IGSF3: variants seen among roughly 807,000 people sequenced by gnomAD.
IGSF3 encodes the protein glu-Trp-Ile EWI motif-containing protein 3.
Under a neutral mutation model 114.4 loss-of-function variants are expected in IGSF3, and 23 were observed. That is an observed-to-expected ratio of 0.20 (90% confidence interval 0.14 to 0.28). The LOEUF (loss-of-function observed/expected upper bound fraction) is 0.28, where lower values mean the gene tolerates loss of function less well. Ranked by LOEUF, IGSF3 falls within the 10% of genes least tolerant of loss-of-function variation. The probability of loss-of-function intolerance (pLI) is 1.00; values close to 1 mark genes in which losing one functional copy is unlikely to be tolerated. For missense variants in IGSF3, 1,172 were observed against 1,591.5 expected, an observed-to-expected ratio of 0.74 and a Z score of 4.48; for synonymous variants, 571 against 645.2, an observed-to-expected ratio of 0.88 and a Z score of 1.74.
At chr1:116,617,690 A>G (rs1661274163) in intron 2 of IGSF3, among the ~76,000 whole-genome samples, 3 of 152,180 alleles carry the variant, frequency 2.0e-5, no homozygotes, top group Non-Finnish European at 2.9e-5. Context: ...TCATAGGGTT[A>G]TTGAGAAGAT....
intron 2 of IGSF3, among the ~76,000 whole-genome samples, chr1:116,641,148 G>T (rs1398217511): frequency 6.6e-6 from 1 of 152,114 alleles, no homozygotes; most frequent in Non-Finnish European, 1.5e-5. Flanking sequence ...GTGTATGGGG[G>T]TTAATTATCC....
In IGSF3 at chr1:116,579,651, G is replaced by A. The variant is rs114783166; in HGVS notation, c.3075C>T (p.Asp1025=). ...EEEEEDDDDD[D]DPTERTALLS... is the part of the protein sequence containing the mutation. ...GCAGGGCCGTCCGCTCTGTTGGGTC[G>A]TCGTCGTCGTCGTCGTCCTCCTCCT... Residue 1025 remains aspartate (D), a synonymous_variant, in exon 10 of 11, where the codon GAC becomes GAT. Transcript: ENST00000369486. This position sits in a 1 kb window ranked among gnomAD's most constrained non-coding sequence, Gnocchi z 6.4. 226 of 1,586,716 alleles carry A rather than the reference G, an allele frequency of 1.4e-4. No individual in the cohort carries two copies. Among genetic ancestry groups the A allele is most frequent in the Non-Finnish European group, 1.8e-4 (207 of 1,163,372 alleles).
intron 4 of IGSF3, among the ~76,000 whole-genome samples, chr1:116,613,012 C>CA (rs1661082473): frequency 1.3e-5 from 2 of 152,204 alleles, no homozygotes; most frequent in South Asian, 4.1e-4. Flanking sequence ...ATCATGCAAC[C>CA]TCCTCAGGAC....
chr1:116,641,322 C>G (rs2101054441), intron 2 of IGSF3, among the ~76,000 whole-genome samples: 1 of 151,770 alleles, frequency 6.6e-6, no homozygotes, highest in Middle Eastern at 3.4e-3. Flanking sequence ...ATGGGGAAAA[C>G]CCACCTCTAC....
chr1:116,617,310 A>G, intron 2 of IGSF3: 1 of 984,630 alleles, frequency 1.0e-6, no homozygotes, highest in Non-Finnish European at 1.2e-6. Flanking sequence ...TGGCATGGTG[A>G]GTTTAATTTC....
At chr1:116,645,014 T>C (rs952493973) in intron 2 of IGSF3, among the ~76,000 whole-genome samples, 1 of 152,068 alleles carries the variant, frequency 6.6e-6, no homozygotes, top group Non-Finnish European at 1.5e-5. Flanking sequence ...TCCTAAGTAT[T>C]TACCCAAGAG....
intron 2 of IGSF3, among the ~76,000 whole-genome samples, chr1:116,656,293 CTTTTTTTTT>C (rs56148691): frequency 1.6e-4 from 10 of 62,440 alleles, no homozygotes; most frequent in Admixed American, 2.4e-4. Flanking sequence ...TTTCTACATT[CTTTTTTTTT>C]TTTTTTTTTT....
In IGSF3 at chr1:116,624,840, G is replaced by C. The variant is rs977846687; in HGVS notation, c.44-8383C>G. On this transcript the variant is annotated intron_variant, in intron 2 of 10. Coordinates refer to ENST00000369486, the MANE Select transcript of IGSF3 (RefSeq NM_001007237.3). This position sits in a 1 kb window ranked among gnomAD's most constrained non-coding sequence, Gnocchi z 4.9. ...GCTGTGAGGGGGCCCAAGGCACATG[G>C]AGAGGCCCTGGGCAGGTGCTCCAGT... is the stretch of plus-strand genomic sequence containing the variant. Among the ~76,000 whole-genome samples the C allele has an allele frequency of 1.3e-5, 2 of 152,204 alleles. No individual in the cohort carries two copies. The highest frequency in any genetic ancestry group is 4.8e-5 in the African/African-American group (2 of 41,448).
rs948237731 is a variant in IGSF3 at position 116,584,228 on chromosome 1, G to A, written c.2848+417C>T. On this transcript the variant is annotated intron_variant, in intron 9 of 10. Coordinates refer to ENST00000369486, the MANE Select transcript of IGSF3 (RefSeq NM_001007237.3). The surrounding 1 kb of genome is among the most constrained non-coding windows in gnomAD (Gnocchi z 5.8). Reference sequence around the variant, plus strand: ...AAAAAGTATTGGGAAGTGACAGAGTGAAGGCTGCACACAATTCATTGTTTT... The same window carrying A: ...AAAAAGTATTGGGAAGTGACAGAGTAAAGGCTGCACACAATTCATTGTTTT... 3.3e-5 allele frequency among the ~76,000 whole-genome samples: 5 copies of A among 151,918 alleles called. No homozygotes were observed. The highest frequency in any genetic ancestry group is 5.9e-5 in the Non-Finnish European group (4 of 67,990).
chr1:116,633,742 T>C lies in IGSF3; in HGVS notation c.44-17285A>G, dbSNP rs948294325. ...AAAAAATAAAAATTCAAAATCATGATCTTAGGGGTGAAAGAACACTGAGAA... is the reference window on the plus strand; with the variant it reads ...AAAAAATAAAAATTCAAAATCATGACCTTAGGGGTGAAAGAACACTGAGAA... On this transcript the variant is annotated intron_variant, in intron 2 of 10. Transcript: ENST00000369486. The surrounding 1 kb of genome is among the most constrained non-coding windows in gnomAD (Gnocchi z 4.3). Among the ~76,000 whole-genome samples the C allele has an allele frequency of 6.6e-6, 1 of 152,108 alleles. No homozygotes were observed. The highest frequency in any genetic ancestry group is 2.4e-5 in the African/African-American group (1 of 41,400).
chr1:116,602,343 C>A (rs1221893970), intron 6 of IGSF3, among the ~76,000 whole-genome samples: 1 of 143,586 alleles, frequency 7.0e-6, no homozygotes, highest in Non-Finnish European at 1.5e-5. Flanking sequence ...ATTGGACATT[C>A]CTAACCTTCC....
rs1468504035 is a variant in IGSF3, at chr1:116,593,668, C to T, written c.2030-4564G>A. 6.6e-6 allele frequency among the ~76,000 whole-genome samples: 1 copy of T among 152,052 alleles called. No homozygotes were observed. The highest frequency in any genetic ancestry group is 1.5e-5 in the Non-Finnish European group (1 of 68,036). On this transcript the variant is annotated intron_variant, in intron 7 of 10. Transcript: ENST00000369486. This position sits in a 1 kb window ranked among gnomAD's most constrained non-coding sequence, Gnocchi z 4.5. ...GGCCCTCAATGATCTCTTTCTCAGGCTCTTGTAATTGGCCTGCATATGACA... is the reference window on the plus strand; with the variant it reads ...GGCCCTCAATGATCTCTTTCTCAGGTTCTTGTAATTGGCCTGCATATGACA...
rs763217283 is a variant in IGSF3, at chr1:116,641,046, G to A, written c.44-24589C>T. Reference sequence around the variant, plus strand: ...CGTGGGAATACACCAGGTGTTCCTCGGATTTTCTTGAAAATTCTACAGGGA... The same window carrying A: ...CGTGGGAATACACCAGGTGTTCCTCAGATTTTCTTGAAAATTCTACAGGGA... On this transcript the variant is annotated intron_variant, in intron 2 of 10. Coordinates refer to ENST00000369486, the MANE Select transcript of IGSF3 (RefSeq NM_001007237.3). Among the ~76,000 whole-genome samples, 56 of 152,264 alleles carry A rather than the reference G, an allele frequency of 3.7e-4. 2 individuals are homozygous for A. The highest frequency in any genetic ancestry group is 3.2e-3 in the Admixed American group (49 of 15,292).
rs568419484 is a variant in IGSF3 at position 116,593,570 on chromosome 1, T to C, written c.2030-4466A>G. 1.3e-5 allele frequency among the ~76,000 whole-genome samples: 2 copies of C among 152,298 alleles called. No homozygotes were observed. Among genetic ancestry groups the C allele is most frequent in the South Asian group, 4.1e-4 (2 of 4,830 alleles). On this transcript the variant is annotated intron_variant, in intron 7 of 10. Coordinates refer to ENST00000369486, the MANE Select transcript of IGSF3 (RefSeq NM_001007237.3). The surrounding 1 kb of genome is among the most constrained non-coding windows in gnomAD (Gnocchi z 4.5). ...CACAGGCGCCTGCCAGTCAAACTGT[T>C]ACTACCCCTGAGTCCCTCTGTCCTT... is the stretch of plus-strand genomic sequence containing the variant.
In IGSF3 at chr1:116,600,147, T is replaced by G; in HGVS notation, c.1823A>C (p.Asp608Ala). 1 of 1,613,698 alleles carries G rather than the reference T, an allele frequency of 6.2e-7. No homozygotes were observed. Among genetic ancestry groups the G allele is most frequent in the Non-Finnish European group, 8.5e-7 (1 of 1,179,894 alleles). ...TCGGGTTCGGAAGCTGGAGGACCTG[T>G]CCCCCCACTGGACCCCTCCGTCCCG... ...FTRDGGVQWG[D>A]RSSSFRTRTA... is the part of the protein sequence containing the mutation. The change falls in exon 7 of 11, where the codon GAC becomes GCC. Residue 608 changes from aspartate (D) to alanine (A), a missense_variant. Asp to Ala is a moderately radical substitution (Grantham distance 126). This residue lies in a region of IGSF3 where 736 missense variants were observed against 1,042.0 expected (regional missense o/e 0.71). Coordinates refer to ENST00000369486, the MANE Select transcript of IGSF3 (RefSeq NM_001007237.3). The surrounding 1 kb of genome is among the most constrained non-coding windows in gnomAD (Gnocchi z 5.5).
At chr1:116,620,173 T>C (rs1229389872) in intron 2 of IGSF3, among the ~76,000 whole-genome samples, 1 of 152,114 alleles carries the variant, frequency 6.6e-6, no homozygotes, top group African/African-American at 2.4e-5. Context: ...CCTTTTGTTA[T>C]TTATAAGAAG....
At position 116,599,944 on chromosome 1, in the gene IGSF3, G is replaced by A. The variant is rs1056122781; in HGVS notation, c.2026C>T (p.Pro676Ser). The A allele has an allele frequency of 6.2e-7, 1 of 1,609,368 alleles. No homozygotes were observed. Among genetic ancestry groups the A allele is most frequent in the Admixed American group, 1.7e-5 (1 of 59,942 alleles). The change falls in exon 7 of 11, where the codon CCA (proline) becomes TCA (serine). Residue 676 changes from proline (P) to serine (S), a missense_variant. Physicochemically the swap from Pro to Ser is moderately conservative, Grantham distance 74. Around this residue, in one of 3 missense-constraint regions of IGSF3, gnomAD observed 736 missense variants for 1,042.0 expected, o/e 0.71. Coordinates refer to ENST00000369486, the MANE Select transcript of IGSF3 (RefSeq NM_001007237.3). ...SNLLEIRVLQ[P>S]VTKLQVSKSK... ...CCCACAGGTCCGCAGCACTCACCTG[G>A]CTGCAGCACCCTGATCTCCAGCAGG...
intron 2 of IGSF3, among the ~76,000 whole-genome samples, chr1:116,641,045 C>T (rs1648068978): frequency 6.6e-6 from 1 of 152,102 alleles, no homozygotes; most frequent in African/African-American, 2.4e-5. Flanking sequence ...AGGTGTTCCT[C>T]GGATTTTCTT....
chr1:116,620,739 G>A (rs1661389687), intron 2 of IGSF3, among the ~76,000 whole-genome samples: 1 of 152,108 alleles, frequency 6.6e-6, no homozygotes. Flanking sequence ...GTCAACCCCA[G>A]GCATCTTTTT....
Sources: allele counts gnomAD v4.1 joint callset (sites outside exome capture counted in the v4.1 genomes callset), GRCh38; gene constraint gnomAD v4.1.1; regional missense constraint gnomAD v4.1.1; non-coding constraint Gnocchi (gnomAD v3.1); transcripts MANE v1.5; gene names NCBI Gene and HGNC (gene_info 2026-07-23, HGNC 2026-07-21).